The following ACAT1 variants were observed in gnomAD, a reference collection of about 807,000 sequenced individuals.
ACAT1 encodes acetyl-CoA acetyltransferase 1.
Under a neutral mutation model 47.3 loss-of-function variants are expected in ACAT1, and 28 were observed. The observed-to-expected ratio is 0.59, with a 90% CI of 0.44 to 0.81. ACAT1 has a LOEUF of 0.81. ACAT1 is among the 30% of genes least tolerant of loss of function. The pLI is 0.00. For synonymous variants in ACAT1, 181 were observed against 173.6 expected (o/e 1.04, Z -0.34); for missense variants, 469 against 524.3 (o/e 0.89, Z 1.03).
intron 5 of ACAT1, 119 bp from the exon 6 acceptor site, chr11:108,138,779 T>C: frequency 8.9e-7 from 1 of 1,129,938 alleles, no homozygotes; most frequent in Non-Finnish European, 1.3e-6. Context: ...GTATTCACTG[T>C]GTAACAAATG....
In ACAT1 at chr11:108,144,039, G is replaced by C. The variant is rs120074147; in HGVS notation, c.997G>C (p.Ala333Pro). 1.9e-6 allele frequency: 3 copies of C among 1,569,836 alleles called. No individual in the cohort carries two copies. In the East Asian group the frequency reaches 7.2e-5, roughly 38 times the overall value. Reference protein sequence around the residue: ...IDFPIAPVYAASMVLKDVGLK... With the variant: ...IDFPIAPVYAPSMVLKDVGLK... ...TTTTCCAATTGCTCCTGTATATGCTGCATCTATGGTGAGAACAAAGTGAGG... is the reference window on the plus strand; with the variant it reads ...TTTTCCAATTGCTCCTGTATATGCTCCATCTATGGTGAGAACAAAGTGAGG... Residue 333 changes from alanine (A) to proline (P), a missense_variant, in exon 10 of 12, where the codon GCA (alanine) becomes CCA (proline). Transcript: ENST00000265838.
In ACAT1 at chr11:108,131,955, G is replaced by C. The variant is rs779908220; in HGVS notation, c.120+1G>C. On this transcript the variant is annotated splice_donor_variant, in intron 2 of 11. Transcript: ENST00000265838. LOFTEE classifies it high-confidence loss of function. ...TTATGTATCAAAACCCACTTTGAAG[G>C]TAAGTAATTTAAATTGTGCTTTAAA... 25 of 1,503,500 alleles carry C rather than the reference G, an allele frequency of 1.7e-5. No individual in the cohort carries two copies. Among genetic ancestry groups the C allele is most frequent in the Non-Finnish European group, 2.3e-5 (25 of 1,085,446 alleles). The allele number at this position is 1,503,500 out of a possible 1,614,324, so 93.1% of individuals were successfully genotyped here.
rs4753830 is a variant in ACAT1, at chr11:108,134,814, C to G, written c.335-328C>G. On this transcript the variant is annotated intron_variant, in intron 4 of 11. Coordinates refer to ENST00000265838, the MANE Select transcript of ACAT1 (RefSeq NM_000019.4). Reference sequence around the variant, plus strand: ...CAAAAAATTAGTTGGGCGTGGTGGCCAGCACCTGTAGTCCCAGCTACTCCG... The same window carrying G: ...CAAAAAATTAGTTGGGCGTGGTGGCGAGCACCTGTAGTCCCAGCTACTCCG... 0.96 allele frequency among the ~76,000 whole-genome samples: 144,232 copies of G among 150,676 alleles called. 69,342 individuals carry two copies. The highest frequency in any genetic ancestry group is 1 in the East Asian group (5,092 of 5,092).
rs1266084953 is a variant in ACAT1, at chr11:108,139,888, T to G, written c.580-177T>G. On this transcript the variant is annotated intron_variant, in intron 6 of 11. Transcript: ENST00000265838. Reference sequence around the variant, plus strand: ...GGATGGTCTTGATCTCCTGACCTCATGATCTGCCTGCCTTGGCCCCCCAAA... The same window carrying G: ...GGATGGTCTTGATCTCCTGACCTCAGGATCTGCCTGCCTTGGCCCCCCAAA... 4.4e-5 allele frequency: 28 copies of G among 636,010 alleles called. No homozygotes were observed. In the East Asian group the frequency reaches 7.9e-4, roughly 18 times the overall value. 39.4% of individuals were successfully genotyped at this position (636,010 alleles called of 1,614,324 possible).
At chr11:108,144,945 T>C (rs984381001) in intron 10 of ACAT1, among the ~76,000 whole-genome samples, 1 of 152,218 alleles carries the variant, frequency 6.6e-6, no homozygotes, top group Admixed American at 6.5e-5. Context: ...TATTTTGTTT[T>C]GTGTTGTTGG....
upstream of ACAT1, among the ~76,000 whole-genome samples, chr11:108,119,680 A>G (rs1210571291): frequency 1.3e-5 from 2 of 152,012 alleles, no homozygotes; most frequent in African/African-American, 4.8e-5. Context: ...ACACACACAC[A>G]AAGTTTAAAC....
At chr11:108,134,444 AC>A in intron 4 of ACAT1, 128 bp downstream of exon 4, 1 of 669,052 alleles carries the variant, frequency 1.5e-6, no homozygotes, top group Non-Finnish European at 2.7e-6. Context: ...AGAGATGGAG[AC>A]CATCCTGGCC....
At chr11:108,134,112 C>CA (rs764707694) in intron 3 of ACAT1, 109 bp from the exon 4 acceptor site, 85 of 1,223,546 alleles carry the variant, frequency 6.9e-5, no homozygotes, top group African/African-American at 9.3e-5. Flanking sequence ...TCAAAACTGA[C>CA]AAAAAAAAGA....
At chr11:108,139,773 G>C (rs1037046226) in intron 6 of ACAT1, among the ~76,000 whole-genome samples, 2 of 152,008 alleles carry the variant, frequency 1.3e-5, no homozygotes, top group Non-Finnish European at 2.9e-5. Flanking sequence ...CAATTCTCCT[G>C]CCTCAGGCTC....
chr11:108,117,297 C>T (rs1228824705), upstream of ACAT1, among the ~76,000 whole-genome samples: 1 of 150,724 alleles, frequency 6.6e-6, no homozygotes, highest in East Asian at 2.0e-4. Flanking sequence ...CAGAGCAAGG[C>T]TCTGTCTCTC....
chr11:108,145,082 G>A (rs971670297), intron 10 of ACAT1, among the ~76,000 whole-genome samples: 1 of 152,102 alleles, frequency 6.6e-6, no homozygotes, highest in African/African-American at 2.4e-5. Flanking sequence ...AATTTCTTCT[G>A]TAAAGAAAAA....
At chr11:108,129,763 G>C (rs1330526219) in intron 1 of ACAT1, among the ~76,000 whole-genome samples, 1 of 152,114 alleles carries the variant, frequency 6.6e-6, no homozygotes, top group Non-Finnish European at 1.5e-5. Flanking sequence ...GGAGTCTTCA[G>C]AAAGGGGACT....
intron 1 of ACAT1, 131 bp from the exon 2 acceptor site, chr11:108,131,776 G>A (rs1407991953): frequency 5.4e-6 from 2 of 369,686 alleles, no homozygotes; most frequent in African/African-American, 4.3e-5. Flanking sequence ...GATATATTCT[G>A]ACCACAAAAA....
intron 7 of ACAT1, among the ~76,000 whole-genome samples, chr11:108,140,887 T>C (rs558562318): frequency 3.4e-4 from 52 of 152,142 alleles, no homozygotes; most frequent in African/African-American, 1.2e-3. Flanking sequence ...TCTGTGATCA[T>C]AGAAGGGAGT....
At chr11:108,126,907 C>G (rs1167943763) in intron 1 of ACAT1, among the ~76,000 whole-genome samples, 1 of 151,536 alleles carries the variant, frequency 6.6e-6, no homozygotes, top group East Asian at 1.9e-4. Flanking sequence ...GTTCTCTTGC[C>G]TTAGCCTCTG....
In ACAT1 at chr11:108,142,502, G is replaced by A. The variant is rs1378882001; in HGVS notation, c.892G>A (p.Ala298Thr). ...AGCAGCTGCTCTGGTTCTCATGACGGCAGATGCAGCGAAGAGGCTCAATGT... is the reference window on the plus strand; with the variant it reads ...AGCAGCTGCTCTGGTTCTCATGACGACAGATGCAGCGAAGAGGCTCAATGT... ...DGAAALVLMT[A>T]DAAKRLNVTP... Residue 298 changes from alanine to threonine, a missense_variant, in exon 9 of 12, where the codon GCA (alanine) becomes ACA (threonine). Coordinates refer to ENST00000265838, the MANE Select transcript of ACAT1 (RefSeq NM_000019.4). 1 of 1,614,170 alleles carries A rather than the reference G, an allele frequency of 6.2e-7. No individual in the cohort carries two copies. The highest frequency in any genetic ancestry group is 1.1e-5 in the South Asian group (1 of 91,084).
At chr11:108,121,552 G>A (rs1436591497), upstream of ACAT1, 3 of 1,527,848 alleles carry the variant, frequency 2.0e-6, no homozygotes, top group Non-Finnish European at 2.7e-6. Flanking sequence ...GTGCGGGGTT[G>A]GGGAGGAGGC....
chr11:108,143,746 G>A (rs550882237), intron 9 of ACAT1: 1 of 393,742 alleles, frequency 2.5e-6, no homozygotes, highest in South Asian at 2.9e-5. Context: ...ACATCTCTAG[G>A]TGGTGCCAAT....
intron 11 of ACAT1, 137 bp from the exon 12 acceptor site, chr11:108,147,133 T>C: frequency 9.5e-7 from 1 of 1,048,600 alleles, no homozygotes; most frequent in Non-Finnish European, 1.4e-6. Context: ...CAAGTTTTAG[T>C]TTTAGAATAG....
Sources: allele counts gnomAD v4.1 joint callset (sites outside exome capture counted in the v4.1 genomes callset), GRCh38; gene constraint gnomAD v4.1.1; transcripts MANE v1.5; gene names NCBI Gene and HGNC (gene_info 2026-07-23, HGNC 2026-07-21).